The following RIPK2 variants were observed in gnomAD, a reference collection of about 807,000 sequenced individuals.
RIPK2 encodes receptor-interacting serine/threonine-protein kinase 2.
RIPK2 carries 38 observed loss-of-function variants against 60.9 expected under a neutral mutation model. The ratio of observed to expected loss-of-function variants is 0.62; its 90% CI spans 0.48 to 0.82. The LOEUF (loss-of-function observed/expected upper bound fraction) is 0.82. RIPK2 is among the 40% of genes least tolerant of loss of function. RIPK2 has a pLI of 0.00. For missense variants in RIPK2, 518 were observed against 647.0 expected, an observed-to-expected ratio of 0.80 and a Z score of 2.16; for synonymous variants, 225 against 223.4, an observed-to-expected ratio of 1.01 and a Z score of -0.06.
At chr8:89,761,573 A>C (rs550932534) in intron 1 of RIPK2, among the ~76,000 whole-genome samples, 2 of 152,180 alleles carry the variant, frequency 1.3e-5, no homozygotes, top group Admixed American at 6.5e-5. Flanking sequence ...TGATCATCTT[A>C]AAATTGTATT....
intron 1 of RIPK2, 58 bp downstream of exon 1, chr8:89,758,291 C>T (rs907748383): frequency 9.4e-6 from 14 of 1,489,216 alleles, no homozygotes; most frequent in Non-Finnish European, 1.3e-5. Context: ...CCCTCAAGCC[C>T]CCTGACAAGC....
chr8:89,759,396 T>G (rs1206220377), intron 1 of RIPK2: 2 of 456,280 alleles, frequency 4.4e-6, no homozygotes, highest in Admixed American at 2.3e-5. Flanking sequence ...CTCCTCCTCC[T>G]ATATCTAATG....
chr8:89,770,051 A>C (rs1944866195), intron 4 of RIPK2, 122 bp downstream of exon 4: 1 of 813,120 alleles, frequency 1.2e-6, no homozygotes. Flanking sequence ...TGTGGTGAAA[A>C]TAAACTTGAG....
Position 89,786,696 on chromosome 8 carries a change from T to C in RIPK2, c.1123+10T>C, listed in dbSNP as rs372772811. 1.4e-6 allele frequency: 2 copies of C among 1,437,230 alleles called. No individual in the cohort carries two copies. Among genetic ancestry groups the C allele is most frequent in the African/African-American group, 2.9e-5 (2 of 67,844 alleles). 89.0% of individuals were successfully genotyped at this position (1,437,230 alleles called of 1,614,324 possible). On this transcript the variant is annotated intron_variant, in intron 9 of 10. Transcript: ENST00000220751. ...AATGATTTTTTATCTAGTATGTAGA[T>C]TTTCCAATCATTATTTACTTGCAAG...
chr8:89,769,707 A>T, intron 3 of RIPK2, 65 bp from the exon 4 acceptor site: 1 of 1,142,532 alleles, frequency 8.8e-7, no homozygotes, highest in Non-Finnish European at 1.2e-6. Flanking sequence ...ATATACAAAA[A>T]GATAGTTGAC....
chr8:89,789,806 C>G (rs1046371072), intron 10 of RIPK2, among the ~76,000 whole-genome samples: 1 of 151,766 alleles, frequency 6.6e-6, no homozygotes, highest in African/African-American at 2.4e-5. Flanking sequence ...TGAACAAATC[C>G]CAGAAGATGG....
In RIPK2 at chr8:89,757,856, G is replaced by C; in HGVS notation, c.-205G>C. ...GGCGTTGGCACCAGTCTCTAGAAAA[G>C]AAGTCAGCTCTGGTTCGGAGAAGCA... is the stretch of plus-strand genomic sequence containing the variant. On this transcript the variant is annotated 5_prime_UTR_variant, in exon 1 of 11. Transcript: ENST00000220751. 2.2e-6 allele frequency: 3 copies of C among 1,333,558 alleles called. No homozygotes were observed. Among genetic ancestry groups the C allele is most frequent in the Non-Finnish European group, 2.9e-6 (3 of 1,042,612 alleles). The allele number at this position is 1,333,558 out of a possible 1,614,324, so 82.6% of individuals were successfully genotyped here. A position where few individuals can be genotyped will look rare whatever the true frequency, so the allele number is the denominator to read the frequency against.
chr8:89,787,459 C>T (rs1425155850), intron 9 of RIPK2, among the ~76,000 whole-genome samples: 1 of 149,314 alleles, frequency 6.7e-6, no homozygotes, highest in Non-Finnish European at 1.5e-5. Context: ...TCATGTCACT[C>T]TACTCTACCA....
chr8:89,769,341 A>T (rs996683747), intron 3 of RIPK2, among the ~76,000 whole-genome samples: 1 of 151,926 alleles, frequency 6.6e-6, no homozygotes, highest in Admixed American at 6.6e-5. Context: ...ACAACTGTAT[A>T]AACCAGAATT....
At chr8:89,784,975 T>C (rs1197144582) in intron 8 of RIPK2, among the ~76,000 whole-genome samples, 1 of 151,998 alleles carries the variant, frequency 6.6e-6, no homozygotes, top group Non-Finnish European at 1.5e-5. Context: ...AACAGCTTGC[T>C]CTCTCAGGAA....
chr8:89,767,560 A>G (rs1198734523), intron 3 of RIPK2, among the ~76,000 whole-genome samples: 1 of 151,590 alleles, frequency 6.6e-6, no homozygotes, highest in East Asian at 1.9e-4. Flanking sequence ...TCCATCAATT[A>G]TAGAACCATC....
chr8:89,784,169 ATATTAAACTC>A (rs1287586414), intron 8 of RIPK2, 30 bp downstream of exon 8: 2 of 1,241,488 alleles, frequency 1.6e-6, no homozygotes, highest in East Asian at 2.6e-5. Context: ...AAAAAAGGTT[ATATTAAACTC>A]AAAATGTGAG....
At chr8:89,775,852 G>C (rs1212247650) in intron 6 of RIPK2, among the ~76,000 whole-genome samples, 1 of 152,096 alleles carries the variant, frequency 6.6e-6, no homozygotes, top group African/African-American at 2.4e-5. Flanking sequence ...AAAAAGGGAA[G>C]ATAAAGTACA....
intron 9 of RIPK2, among the ~76,000 whole-genome samples, chr8:89,787,719 T>G (rs556492491): frequency 2.1e-4 from 32 of 152,330 alleles, no homozygotes; most frequent in African/African-American, 7.7e-4. Flanking sequence ...GAAGCAACTA[T>G]TGCAATTTTT....
chr8:89,779,410 G>T (rs956896215), intron 6 of RIPK2, among the ~76,000 whole-genome samples: 50 of 140,842 alleles, frequency 3.6e-4, no homozygotes, highest in African/African-American at 1.3e-3. Flanking sequence ...CACCTCCTGG[G>T]TTCACACCAT....
At chr8:89,758,273 C>T (rs1809084640) in intron 1 of RIPK2, 40 bp downstream of exon 1, 1 of 1,542,404 alleles carries the variant, frequency 6.5e-7, no homozygotes, top group African/African-American at 1.4e-5. Flanking sequence ...GCCCTCAACT[C>T]CTGCATCCCC....
intron 6 of RIPK2, among the ~76,000 whole-genome samples, chr8:89,777,995 A>G (rs1809429729): frequency 3.3e-5 from 5 of 152,214 alleles, no homozygotes; most frequent in African/African-American, 9.6e-5. Context: ...TCTAGATACC[A>G]GAGTAAGCAC....
intron 9 of RIPK2, among the ~76,000 whole-genome samples, chr8:89,787,375 C>T (rs1287277147): frequency 6.6e-6 from 1 of 152,086 alleles, no homozygotes; most frequent in East Asian, 1.9e-4. Context: ...GAGAAATGTC[C>T]TCATTTTACA....
intron 2 of RIPK2, among the ~76,000 whole-genome samples, chr8:89,764,214 C>A (rs560688365): frequency 1.3e-5 from 2 of 152,212 alleles, no homozygotes; most frequent in Admixed American, 1.3e-4. Context: ...AGGGGACAGG[C>A]CTCTGTGTAT....
Sources: gnomAD v4.1 joint callset for allele counts (sites outside exome capture counted in the v4.1 genomes callset) on GRCh38, gnomAD v4.1.1 for gene constraint, MANE v1.5 for transcripts, NCBI Gene and HGNC (gene_info 2026-07-23, HGNC 2026-07-21) for gene names.